The following GRID2 variants were observed in gnomAD, a reference collection of about 807,000 sequenced individuals.
GRID2 encodes the protein glutamate receptor ionotropic, delta-2.
In GRID2, 33 loss-of-function variants were observed where a neutral mutation model predicts 114.8. The observed-to-expected ratio is 0.29, with a 90% CI of 0.22 to 0.38. GRID2 has a LOEUF of 0.38. Among genes scored for constraint, GRID2 ranks in the 10% least tolerant of loss-of-function variants. The pLI is 1.00. For synonymous variants in GRID2, 505 were observed against 449.9 expected (o/e 1.12, Z -1.55); for missense variants, 1,184 against 1,257.7 (o/e 0.94, Z 0.89).
At chr4:92,766,539 A>T (rs1738278750) in intron 2 of GRID2, among the ~76,000 whole-genome samples, 1 of 142,462 alleles carries the variant, frequency 7.0e-6, no homozygotes, top group South Asian at 2.5e-4. Flanking sequence ...TCCTTCTCAA[A>T]AAAAAAAAAA....
At position 93,092,813 on chromosome 4, in the gene GRID2, A is replaced by C. The variant is rs75230713; in HGVS notation, c.529+7534A>C. Among the ~76,000 whole-genome samples, 792 of 152,046 alleles carry C rather than the reference A, an allele frequency of 5.2e-3. 2 individuals are homozygous for C. Among genetic ancestry groups the C allele is most frequent in the African/African-American group, 0.018 (757 of 41,506 alleles). ...ACTAAGCTGTTGACAACAGATCAGC[A>C]GTCATAATGTGTATATATACATATA... On this transcript the variant is annotated intron_variant, in intron 3 of 15. Transcript: ENST00000282020.
At chr4:92,375,654 A>C (rs948545976) in intron 1 of GRID2, among the ~76,000 whole-genome samples, 6 of 152,134 alleles carry the variant, frequency 3.9e-5, no homozygotes, top group African/African-American at 1.4e-4. Context: ...CTCCTCATTT[A>C]GCTACATTGG....
intron 2 of GRID2, among the ~76,000 whole-genome samples, chr4:92,909,475 A>G (rs1195481124): frequency 6.6e-6 from 1 of 152,096 alleles, no homozygotes; most frequent in Non-Finnish European, 1.5e-5. Flanking sequence ...TTTTTTACAT[A>G]GTAGCAAAAC....
intron 2 of GRID2, among the ~76,000 whole-genome samples, chr4:93,068,213 A>G (rs1032486149): frequency 6.6e-6 from 1 of 152,094 alleles, no homozygotes; most frequent in African/African-American, 2.4e-5. Flanking sequence ...TGCAAATTAT[A>G]GTAAAGTATA....
chr4:92,659,069 C>A (rs34738616), intron 2 of GRID2, among the ~76,000 whole-genome samples: 1 of 137,316 alleles, frequency 7.3e-6, no homozygotes, highest in African/African-American at 2.6e-5. Flanking sequence ...ATTACAATGT[C>A]ATGTAGATGC....
At chr4:92,508,332 G>A (rs1212935241) in intron 1 of GRID2, among the ~76,000 whole-genome samples, 1 of 151,818 alleles carries the variant, frequency 6.6e-6, no homozygotes, top group Non-Finnish European at 1.5e-5. Context: ...AGTGCTTAAG[G>A]TATGGCAGTA....
chr4:92,737,881 A>T (rs1335184348), intron 2 of GRID2, among the ~76,000 whole-genome samples: 1 of 152,110 alleles, frequency 6.6e-6, no homozygotes, highest in Admixed American at 6.6e-5. Flanking sequence ...GAATGTAGGA[A>T]GTTTCTTCTC....
intron 2 of GRID2, among the ~76,000 whole-genome samples, chr4:92,763,494 T>C (rs549882182): frequency 6.6e-6 from 1 of 152,296 alleles, no homozygotes; most frequent in South Asian, 2.1e-4. Flanking sequence ...CATTTAAAAA[T>C]ATAGTTTGGC....
chr4:92,367,583 T>C lies in GRID2; in HGVS notation c.88+62839T>C, dbSNP rs536669363. ...TGACTAAAACACCAGTCTGGCAGCA[T>C]ATAGTGGGCATTGGGCAGAAAGGGC... On this transcript the variant is annotated intron_variant, in intron 1 of 15. Transcript: ENST00000282020. 2.0e-5 allele frequency among the ~76,000 whole-genome samples: 3 copies of C among 152,110 alleles called. No individual in the cohort carries two copies. In the East Asian group the frequency reaches 5.8e-4, roughly 30 times the overall value.
chr4:92,456,234 A>G (rs955335360), intron 1 of GRID2, among the ~76,000 whole-genome samples: 2 of 152,088 alleles, frequency 1.3e-5, no homozygotes, highest in African/African-American at 4.8e-5. Flanking sequence ...ATAAACTCAC[A>G]TAAGAGGCTT....
At chr4:92,532,246 G>A (rs1422108418) in intron 1 of GRID2, among the ~76,000 whole-genome samples, 1 of 152,164 alleles carries the variant, frequency 6.6e-6, no homozygotes, top group African/African-American at 2.4e-5. Context: ...TTGTGACAGG[G>A]AAGTGCAGGA....
At chr4:92,587,647 C>T (rs1192845130) in intron 1 of GRID2, among the ~76,000 whole-genome samples, 1 of 152,120 alleles carries the variant, frequency 6.6e-6, no homozygotes, top group Non-Finnish European at 1.5e-5. Flanking sequence ...ATAAGATGAA[C>T]TGTTTCTTCT....
intron 1 of GRID2, among the ~76,000 whole-genome samples, chr4:92,373,171 T>A (rs1286201768): frequency 6.6e-6 from 1 of 152,198 alleles, no homozygotes; most frequent in East Asian, 1.9e-4. Context: ...TAATTCTTTG[T>A]TTGTGAATCT....
intron 2 of GRID2, among the ~76,000 whole-genome samples, chr4:92,675,551 A>ATTTTTTTTTTTTT (rs576488084): frequency 1.4e-4 from 19 of 133,018 alleles, no homozygotes; most frequent in East Asian, 1.2e-3. Flanking sequence ...TTGGGCTACA[A>ATTTTTTTTTTTTT]TTTTTTTTTT....
intron 1 of GRID2, among the ~76,000 whole-genome samples, chr4:92,504,448 T>G (rs1000552573): frequency 2.6e-5 from 4 of 152,014 alleles, no homozygotes; most frequent in Admixed American, 6.6e-5. Context: ...ATCTACAGAC[T>G]CTTTGCAGGA....
At chr4:93,671,499 T>C (rs1193980586) in intron 14 of GRID2, among the ~76,000 whole-genome samples, 2 of 152,154 alleles carry the variant, frequency 1.3e-5, no homozygotes, top group Non-Finnish European at 2.9e-5. Flanking sequence ...CACTGCTTTA[T>C]ACTAATTGTG....
At position 92,384,517 on chromosome 4, in the gene GRID2, TTATATA is replaced by T. The variant is rs1295503844; in HGVS notation, c.88+79774_88+79779del. 3.5e-3 allele frequency among the ~76,000 whole-genome samples: 126 copies of T among 36,092 alleles called. 2 individuals are homozygous for T. Among genetic ancestry groups the T allele is most frequent in the East Asian group, 5.3e-3 (3 of 566 alleles). The allele number at this position is 36,092 out of a possible 152,430, so 23.7% of individuals were successfully genotyped here. A position where few individuals can be genotyped will look rare whatever the true frequency, so the allele number is the denominator to read the frequency against. On this transcript the variant is annotated intron_variant, in intron 1 of 15. Coordinates refer to ENST00000282020, the MANE Select transcript of GRID2 (RefSeq NM_001510.4). ...ATAAAAATATATATTATATATAATA[TTATATA>T]ATATAATATATAATATAATATATAA... is the stretch of plus-strand genomic sequence containing the variant.
intron 10 of GRID2, among the ~76,000 whole-genome samples, chr4:93,428,426 T>C (rs1317013132): frequency 6.6e-6 from 1 of 152,126 alleles, no homozygotes; most frequent in Non-Finnish European, 1.5e-5. Context: ...TAAAACTTCA[T>C]TTTTATAGAC....
At chr4:93,094,266 T>A (rs1358419613) in intron 3 of GRID2, among the ~76,000 whole-genome samples, 1 of 152,110 alleles carries the variant, frequency 6.6e-6, no homozygotes, top group Non-Finnish European at 1.5e-5. Context: ...TCATTCTGCC[T>A]TCTCAAGGAG....
Sources: gnomAD v4.1 joint callset for allele counts (sites outside exome capture counted in the v4.1 genomes callset) on GRCh38, gnomAD v4.1.1 for gene constraint, MANE v1.5 for transcripts, NCBI Gene and HGNC (gene_info 2026-07-23, HGNC 2026-07-21) for gene names.